The following RAMP1 variants were observed in gnomAD, a reference collection of about 807,000 sequenced individuals.
The protein encoded by RAMP1 is receptor activity-modifying protein 1.
A neutral mutation model predicts 8.2 loss-of-function variants in RAMP1; 7 were observed. The observed-to-expected ratio is 0.85, with a 90% CI of 0.49 to 1.60. The LOEUF (loss-of-function observed/expected upper bound fraction) is 1.60. Among genes scored for constraint, RAMP1 ranks in the 40% most tolerant of loss-of-function variants. The probability of loss-of-function intolerance (pLI) is 0.00; values close to 1 mark genes in which losing one functional copy is unlikely to be tolerated. For missense variants in RAMP1, 192 were observed against 202.4 expected, an observed-to-expected ratio of 0.95 and a Z score of 0.31; for synonymous variants, 92 against 84.7, an observed-to-expected ratio of 1.09 and a Z score of -0.47.
intron 2 of RAMP1, among the ~76,000 whole-genome samples, chr2:237,905,748 C>T (rs187641075): frequency 5.9e-5 from 9 of 152,258 alleles, no homozygotes; most frequent in African/African-American, 1.4e-4. Context: ...CAGTGGCTCA[C>T]GCCTGTAATC....
rs1338487872 is a variant in RAMP1 at position 237,878,406 on chromosome 2, G to A, written c.191+1044G>A. Among the ~76,000 whole-genome samples, 1 of 152,230 alleles carries A rather than the reference G, an allele frequency of 6.6e-6. No homozygotes were observed. The highest frequency in any genetic ancestry group is 2.4e-5 in the African/African-American group (1 of 41,458). On this transcript the variant is annotated intron_variant, in intron 2 of 2. Transcript: ENST00000254661. The surrounding 1 kb of genome is among the most constrained non-coding windows in gnomAD (Gnocchi z 5.7). ...CCCCTGAGGGTCCAGACACACCCGG[G>A]CACAATTCTGTGGGGTTGAAGACCC...
chr2:237,875,512 G>A (rs1459754987), intron 1 of RAMP1, among the ~76,000 whole-genome samples: 2 of 152,092 alleles, frequency 1.3e-5, no homozygotes, highest in East Asian at 3.9e-4. Context: ...CTGGAGTGAG[G>A]TGGGGGGACT....
chr2:237,862,985 C>T lies in RAMP1; in HGVS notation c.52+3258C>T, dbSNP rs553100486. Among the ~76,000 whole-genome samples the T allele has an allele frequency of 1.3e-5, 2 of 152,336 alleles. No homozygotes were observed. Among genetic ancestry groups the T allele is most frequent in the Admixed American group, 1.3e-4 (2 of 15,310 alleles). On this transcript the variant is annotated intron_variant, in intron 1 of 2. Coordinates refer to ENST00000254661, the MANE Select transcript of RAMP1 (RefSeq NM_005855.4). The surrounding 1 kb of genome is among the most constrained non-coding windows in gnomAD (Gnocchi z 4.0). ...AAGCCTTTTGAGCCCCTAGATCGAGCTCATGGGGTACACATTTCCATCATG... is the reference window on the plus strand; with the variant it reads ...AAGCCTTTTGAGCCCCTAGATCGAGTTCATGGGGTACACATTTCCATCATG...
chr2:237,910,343 A>G (rs898086758), intron 2 of RAMP1, among the ~76,000 whole-genome samples: 7 of 151,776 alleles, frequency 4.6e-5, no homozygotes, highest in East Asian at 1.9e-4. Context: ...AGAATAACAC[A>G]GTCACACACA....
intron 2 of RAMP1, among the ~76,000 whole-genome samples, chr2:237,891,720 C>G (rs2062490269): frequency 6.6e-6 from 1 of 152,116 alleles, no homozygotes. Flanking sequence ...TATTTAATCC[C>G]CACCAAAACA....
At chr2:237,868,628 C>T (rs1261544228) in intron 1 of RAMP1, among the ~76,000 whole-genome samples, 1 of 150,726 alleles carries the variant, frequency 6.6e-6, no homozygotes, top group East Asian at 1.9e-4. Context: ...ACTTACTCTA[C>T]ACTTTTTCTT....
At chr2:237,893,277 ACCT>A (rs1385059388) in intron 2 of RAMP1, among the ~76,000 whole-genome samples, 1 of 151,990 alleles carries the variant, frequency 6.6e-6, no homozygotes, top group Non-Finnish European at 1.5e-5. Flanking sequence ...TTAAAATCTG[ACCT>A]CCTCCTTCCT....
At chr2:237,894,836 A>C (rs11675972) in intron 2 of RAMP1, among the ~76,000 whole-genome samples, 1 of 152,104 alleles carries the variant, frequency 6.6e-6, no homozygotes, top group Non-Finnish European at 1.5e-5. Flanking sequence ...AGACGGAACA[A>C]AGGGACACGT....
intron 2 of RAMP1, among the ~76,000 whole-genome samples, chr2:237,882,973 G>A (rs955174954): frequency 5.3e-5 from 8 of 152,144 alleles, no homozygotes; most frequent in Admixed American, 4.6e-4. Context: ...CAAGGACTGT[G>A]AGCCAGGCAG....
At position 237,877,490 on chromosome 2, in the gene RAMP1, G is replaced by A. The variant is rs1210881; in HGVS notation, c.191+128G>A. The A allele has an allele frequency of 2.3e-5, 30 of 1,289,222 alleles. 1 individual carries two copies. In the Admixed American group the frequency reaches 5.8e-4, roughly 25 times the overall value. 79.9% of individuals were successfully genotyped at this position (1,289,222 alleles called of 1,614,324 possible). On this transcript the variant is annotated intron_variant, in intron 2 of 2. Coordinates refer to ENST00000254661, the MANE Select transcript of RAMP1 (RefSeq NM_005855.4). This position sits in a 1 kb window ranked among gnomAD's most constrained non-coding sequence, Gnocchi z 4.4. ...ACCCCGGAAGGGTTCTTCCCCCAGTGGGGGGGGCCGGGATGAAGACAGAGG... is the reference window on the plus strand; with the variant it reads ...ACCCCGGAAGGGTTCTTCCCCCAGTAGGGGGGGCCGGGATGAAGACAGAGG...
intron 2 of RAMP1, among the ~76,000 whole-genome samples, chr2:237,893,317 T>G (rs1204668913): frequency 2.6e-5 from 4 of 152,238 alleles, no homozygotes; most frequent in Non-Finnish European, 5.9e-5. Flanking sequence ...GTATTCTTTT[T>G]GGTTTAAACA....
At chr2:237,903,309 A>G (rs1481573798) in intron 2 of RAMP1, among the ~76,000 whole-genome samples, 1 of 152,190 alleles carries the variant, frequency 6.6e-6, no homozygotes, top group African/African-American at 2.4e-5. Flanking sequence ...TGCAGTGGAC[A>G]CCTTCTTACA....
chr2:237,894,634 A>G (rs1276948005), intron 2 of RAMP1, among the ~76,000 whole-genome samples: 2 of 152,196 alleles, frequency 1.3e-5, no homozygotes, highest in South Asian at 4.1e-4. Context: ...CCCAGAAGCC[A>G]GGCGGGGCTG....
chr2:237,887,378 A>G (rs1315099520), intron 2 of RAMP1, among the ~76,000 whole-genome samples: 3 of 152,184 alleles, frequency 2.0e-5, no homozygotes, highest in Non-Finnish European at 4.4e-5. Context: ...TTCCCTGTGC[A>G]TAGTTCGAGG....
At chr2:237,896,471 A>G (rs1036259385) in intron 2 of RAMP1, among the ~76,000 whole-genome samples, 1 of 152,194 alleles carries the variant, frequency 6.6e-6, no homozygotes, top group African/African-American at 2.4e-5. Flanking sequence ...AGGGAGGGCC[A>G]AGCAGCCCCC....
At chr2:237,867,766 T>C (rs912214333) in intron 1 of RAMP1, among the ~76,000 whole-genome samples, 4 of 152,164 alleles carry the variant, frequency 2.6e-5, no homozygotes, top group Non-Finnish European at 1.5e-5. Flanking sequence ...TTGTTCTGAG[T>C]GTGGCTTCGT....
intron 2 of RAMP1, among the ~76,000 whole-genome samples, chr2:237,899,829 G>C (rs76239381): frequency 6.6e-6 from 1 of 152,300 alleles, no homozygotes; most frequent in Non-Finnish European, 1.5e-5. Context: ...TGTAATCCCA[G>C]CACTTTGGAA....
intron 2 of RAMP1, among the ~76,000 whole-genome samples, chr2:237,910,721 G>C (rs529186700): frequency 7.8e-4 from 117 of 150,372 alleles, no homozygotes; most frequent in African/African-American, 2.6e-3. Flanking sequence ...GTCACACACA[G>C]AGAATAACAG....
chr2:237,861,566 G>A (rs987044113), intron 1 of RAMP1, among the ~76,000 whole-genome samples: 6 of 152,022 alleles, frequency 3.9e-5, no homozygotes, highest in African/African-American at 1.4e-4. Flanking sequence ...CTCATAATCC[G>A]GCCAGGCATG....
Sources: gnomAD v4.1 joint callset for allele counts (sites outside exome capture counted in the v4.1 genomes callset) on GRCh38, gnomAD v4.1.1 for gene constraint, Gnocchi (gnomAD v3.1) non-coding constraint, MANE v1.5 for transcripts, NCBI Gene and HGNC (gene_info 2026-07-23, HGNC 2026-07-21) for gene names.